ATF3: variants seen among roughly 807,000 people sequenced by gnomAD.
The protein encoded by ATF3 is cyclic AMP-dependent transcription factor ATF-3.
Under a neutral mutation model 18.4 loss-of-function variants are expected in ATF3, and 10 were observed. The observed-to-expected ratio is 0.54, with a 90% confidence interval of 0.34 to 0.92. The LOEUF (loss-of-function observed/expected upper bound fraction) is 0.92. Among genes scored for constraint, ATF3 ranks in the 40% least tolerant of loss-of-function variants. The pLI is 0.02. For missense variants in ATF3, 183 were observed against 222.3 expected (o/e 0.82, Z 1.12); for synonymous variants, 78 against 87.9 (o/e 0.89, Z 0.63).
chr1:212,597,545 G>T (rs1654332905), intron 1 of ATF3, among the ~76,000 whole-genome samples: 1 of 152,028 alleles, frequency 6.6e-6, no homozygotes, highest in Admixed American at 6.6e-5. Context: ...CCTGCAAGGT[G>T]GGTCGTATTA....
chr1:212,601,528 T>C (rs1182417634), intron 1 of ATF3, among the ~76,000 whole-genome samples: 5 of 152,258 alleles, frequency 3.3e-5, no homozygotes, highest in Admixed American at 3.3e-4. Flanking sequence ...GTTAGATTTG[T>C]GTTTAAATCA....
chr1:212,618,993 A>G lies in ATF3; in HGVS notation c.349-365A>G. On this transcript the variant is annotated intron_variant, in intron 3 of 3. Coordinates refer to ENST00000341491, the MANE Select transcript of ATF3 (RefSeq NM_001674.4). This position sits in a 1 kb window ranked among gnomAD's most constrained non-coding sequence, Gnocchi z 4.4. Reference sequence around the variant, plus strand: ...TTCTGGGGAGATGAGCTTCTCATTGAGATCTGTGACTCAGAATCGACTAAG... The same window carrying G: ...TTCTGGGGAGATGAGCTTCTCATTGGGATCTGTGACTCAGAATCGACTAAG... The G allele has an allele frequency of 1.2e-6, 2 of 1,609,752 alleles. No homozygotes were observed. The highest frequency in any genetic ancestry group is 1.7e-6 in the Non-Finnish European group (2 of 1,176,122).
intron 1 of ATF3, among the ~76,000 whole-genome samples, chr1:212,595,546 G>A (rs923564105): frequency 9.9e-5 from 15 of 152,212 alleles, no homozygotes; most frequent in Non-Finnish European, 1.5e-5. Context: ...CACAGGGACC[G>A]GAAATGTGCG....
At chr1:212,575,669 CA>C (rs1050325454) in intron 1 of ATF3, among the ~76,000 whole-genome samples, 1 of 152,044 alleles carries the variant, frequency 6.6e-6, no homozygotes, top group African/African-American at 2.4e-5. Context: ...TAGCCTTTGT[CA>C]GGTAAGGAAA....
upstream of ATF3, chr1:212,608,630 C>G (rs896503545): frequency 6.6e-6 from 1 of 152,628 alleles, no homozygotes; most frequent in African/African-American, 2.4e-5. Context: ...CCCCTTCCTC[C>G]GCTCCGTTCG....
At chr1:212,567,656 AT>A (rs1398190448) in intron 1 of ATF3, among the ~76,000 whole-genome samples, 1 of 152,208 alleles carries the variant, frequency 6.6e-6, no homozygotes, top group Non-Finnish European at 1.5e-5. Flanking sequence ...TTTATTTTTT[AT>A]AATGCTACCG....
upstream of ATF3, among the ~76,000 whole-genome samples, chr1:212,607,775 C>G (rs1481385686): frequency 6.6e-5 from 10 of 152,266 alleles, no homozygotes; most frequent in Non-Finnish European, 1.3e-4. Context: ...TTTCCCCCTC[C>G]TCCTGGCCGC....
intron 1 of ATF3, among the ~76,000 whole-genome samples, chr1:212,583,039 G>A (rs893404222): frequency 1.3e-5 from 2 of 152,128 alleles, no homozygotes; most frequent in African/African-American, 4.8e-5. Flanking sequence ...GCTAAAGAAT[G>A]CCAGGGTTAT....
At chr1:212,604,117 C>T (rs1229152444), upstream of ATF3, among the ~76,000 whole-genome samples, 1 of 152,218 alleles carries the variant, frequency 6.6e-6, no homozygotes, top group Non-Finnish European at 1.5e-5. Context: ...ATCTTCAAAT[C>T]ACTTTCACAT....
intron 1 of ATF3, among the ~76,000 whole-genome samples, chr1:212,597,207 T>C (rs1160698896): frequency 6.6e-6 from 1 of 152,180 alleles, no homozygotes; most frequent in Non-Finnish European, 1.5e-5. Context: ...GTGTCTCTTC[T>C]GTAGAAACTT....
At chr1:212,617,573 G>A (rs545141684) in intron 2 of ATF3, among the ~76,000 whole-genome samples, 17 of 152,300 alleles carry the variant, frequency 1.1e-4, no homozygotes, top group Admixed American at 3.3e-4. Context: ...TTGGGAATGG[G>A]CTTAGGTGCC....
chr1:212,609,371 C>T (rs1361643311), intron 1 of ATF3, among the ~76,000 whole-genome samples: 2 of 536 alleles, frequency 3.7e-3, no homozygotes, highest in African/African-American at 9.2e-3. Context: ...CGATCCTTCC[C>T]GGGTGGGGGG....
chr1:212,618,938 G>T lies in ATF3; in HGVS notation c.349-420G>T. 7.0e-7 allele frequency: 1 copy of T among 1,425,850 alleles called. No individual in the cohort carries two copies. The highest frequency in any genetic ancestry group is 1.7e-5 in the Admixed American group (1 of 57,432). 88.3% of individuals were successfully genotyped at this position (1,425,850 alleles called of 1,614,324 possible). ...TGCTTCAGGGGATCAGTGAAAATTA[G>T]GGAATTTTGTGTGTTGCTATATACA... is the stretch of plus-strand genomic sequence containing the variant. On this transcript the variant is annotated intron_variant, in intron 3 of 3. Coordinates refer to ENST00000341491, the MANE Select transcript of ATF3 (RefSeq NM_001674.4). This position sits in a 1 kb window ranked among gnomAD's most constrained non-coding sequence, Gnocchi z 4.4.
chr1:212,619,478 GC>G lies in ATF3; in HGVS notation c.470del (p.Ala157ValfsTer18). ...NLHRPTCIVR[A>X]QNGRTPEDER... ...TCATCGGCCCACGTGTATTGTCCGG[GC>G]TCAGAATGGGAGGACTCCAGAAGAT... On this transcript the variant is annotated frameshift_variant, in exon 4 of 4. Coordinates refer to ENST00000341491, the MANE Select transcript of ATF3 (RefSeq NM_001674.4). LOFTEE classifies it high-confidence loss of function. The surrounding 1 kb of genome is among the most constrained non-coding windows in gnomAD (Gnocchi z 4.4). 6.2e-7 allele frequency: 1 copy of G among 1,614,178 alleles called. No individual in the cohort carries two copies. The highest frequency in any genetic ancestry group is 8.5e-7 in the Non-Finnish European group (1 of 1,180,032).
chr1:212,599,931 G>A (rs1654435010), intron 1 of ATF3, among the ~76,000 whole-genome samples: 1 of 152,246 alleles, frequency 6.6e-6, no homozygotes, highest in Admixed American at 6.5e-5. Flanking sequence ...CCTGCTTAGG[G>A]TACCTGTAAT....
chr1:212,566,884 G>A (rs1664391896), intron 1 of ATF3, among the ~76,000 whole-genome samples: 1 of 152,100 alleles, frequency 6.6e-6, no homozygotes, highest in South Asian at 2.1e-4. Context: ...AACCTCGTAC[G>A]GCGAGTAATG....
intron 2 of ATF3, among the ~76,000 whole-genome samples, chr1:212,616,768 C>G (rs1379220577): frequency 6.6e-6 from 1 of 152,084 alleles, no homozygotes; most frequent in Non-Finnish European, 1.5e-5. Context: ...GGCTTTGGAT[C>G]TGACTTGAAG....
At chr1:212,615,290 T>A (rs770140763) in intron 2 of ATF3, 29 bp downstream of exon 2, 6 of 1,610,228 alleles carry the variant, frequency 3.7e-6, no homozygotes, top group Non-Finnish European at 5.1e-6. Flanking sequence ...ATTCATTCTT[T>A]CGGCACATGT....
chr1:212,618,056 A>G lies in ATF3; in HGVS notation c.241-71A>G, dbSNP rs1277195263. The G allele has an allele frequency of 6.7e-7, 1 of 1,502,596 alleles. No homozygotes were observed. 93.1% of individuals were successfully genotyped at this position (1,502,596 alleles called of 1,614,324 possible). ...TTGTCTGCCAGCTTTTGCTGGCAGTAAAAGGCAGTGTATTTGAGGTAGGTG... is the reference window on the plus strand; with the variant it reads ...TTGTCTGCCAGCTTTTGCTGGCAGTGAAAGGCAGTGTATTTGAGGTAGGTG... On this transcript the variant is annotated intron_variant, in intron 2 of 3. Coordinates refer to ENST00000341491, the MANE Select transcript of ATF3 (RefSeq NM_001674.4). The surrounding 1 kb of genome is among the most constrained non-coding windows in gnomAD (Gnocchi z 4.4).
Sources: allele counts gnomAD v4.1 joint callset (sites outside exome capture counted in the v4.1 genomes callset), GRCh38; gene constraint gnomAD v4.1.1; non-coding constraint Gnocchi (gnomAD v3.1); transcripts MANE v1.5; gene names NCBI Gene and HGNC (gene_info 2026-07-23, HGNC 2026-07-21).